The following PARD3 variants were observed in gnomAD, a reference collection of about 807,000 sequenced individuals.
PARD3 encodes the protein par-3 family cell polarity regulator, also known as partitioning defective 3 homolog.
Under a neutral mutation model 155.4 loss-of-function variants are expected in PARD3, and 75 were observed. The observed-to-expected ratio is 0.48, with a 90% CI of 0.40 to 0.58. The LOEUF (loss-of-function observed/expected upper bound fraction) is 0.58. Among genes scored for constraint, PARD3 ranks in the 20% least tolerant of loss-of-function variants. The probability of loss-of-function intolerance (pLI) is 0.00; values close to 1 mark genes in which losing one functional copy is unlikely to be tolerated. For missense variants in PARD3, 1,642 were observed against 1,721.7 expected, an observed-to-expected ratio of 0.95 and a Z score of 0.82; for synonymous variants, 576 against 610.5, an observed-to-expected ratio of 0.94 and a Z score of 0.83.
At chr10:34,457,975 T>A (rs1275472736) in intron 4 of PARD3, among the ~76,000 whole-genome samples, 2 of 152,136 alleles carry the variant, frequency 1.3e-5, no homozygotes, top group African/African-American at 2.4e-5. Context: ...AGGTGGCTAA[T>A]GACAAAAATT....
At chr10:34,581,143 T>C (rs1201109999) in intron 2 of PARD3, among the ~76,000 whole-genome samples, 1 of 152,118 alleles carries the variant, frequency 6.6e-6, no homozygotes, top group African/African-American at 2.4e-5. Flanking sequence ...ACTGTTTAAA[T>C]ACAGCATCTT....
chr10:34,641,799 AGGT>A (rs572391111), intron 2 of PARD3, among the ~76,000 whole-genome samples: 62 of 152,278 alleles, frequency 4.1e-4, no homozygotes, highest in African/African-American at 1.5e-3. Context: ...ACAGCTCAGT[AGGT>A]GGTGGCTGAC....
At chr10:34,138,582 C>G (rs1264677063) in intron 22 of PARD3, among the ~76,000 whole-genome samples, 1 of 152,140 alleles carries the variant, frequency 6.6e-6, no homozygotes, top group African/African-American at 2.4e-5. Context: ...GGATCTGGGT[C>G]AAACACACAA....
At chr10:34,167,669 T>C (rs967273420) in intron 22 of PARD3, among the ~76,000 whole-genome samples, 5 of 152,194 alleles carry the variant, frequency 3.3e-5, no homozygotes, top group African/African-American at 9.6e-5. Flanking sequence ...CCGAATAAAA[T>C]AGAAAAACGT....
chr10:34,284,025 A>C (rs1467252189), intron 21 of PARD3, 110 bp downstream of exon 21: 1 of 685,356 alleles, frequency 1.5e-6, no homozygotes, highest in Non-Finnish European at 2.5e-6. Context: ...GATACAGGAA[A>C]TATGAAGAGT....
intron 22 of PARD3, among the ~76,000 whole-genome samples, chr10:34,240,922 C>T (rs988815945): frequency 1.2e-4 from 19 of 152,178 alleles, no homozygotes; most frequent in African/African-American, 4.6e-4. Flanking sequence ...CCACACCCTG[C>T]ACACACACAT....
intron 2 of PARD3, 121 bp from the exon 3 acceptor site, chr10:34,517,280 G>T (rs977377770): frequency 3.6e-6 from 3 of 838,404 alleles, no homozygotes; most frequent in Non-Finnish European, 5.2e-6. Context: ...CCCTAGAATG[G>T]TAAGTTTTAC....
intron 2 of PARD3, among the ~76,000 whole-genome samples, chr10:34,589,327 C>T (rs926068828): frequency 9.2e-5 from 14 of 152,144 alleles, no homozygotes; most frequent in Non-Finnish European, 1.8e-4. Flanking sequence ...CGTTGAAGTC[C>T]TAACACCCAG....
intron 3 of PARD3, among the ~76,000 whole-genome samples, chr10:34,515,520 T>A (rs186035614): frequency 6.6e-6 from 1 of 152,314 alleles, no homozygotes; most frequent in East Asian, 1.9e-4. Flanking sequence ...CTCTAGAGCA[T>A]CACTTACGTA....
intron 24 of PARD3, among the ~76,000 whole-genome samples, chr10:34,115,855 C>G (rs1007851441): frequency 1.7e-4 from 26 of 151,838 alleles, no homozygotes; most frequent in Admixed American, 1.6e-3. Flanking sequence ...TGGGACTACA[C>G]GCGCCCACCA....
At chr10:34,801,467 T>C (rs1387753227) in intron 1 of PARD3, among the ~76,000 whole-genome samples, 1 of 151,982 alleles carries the variant, frequency 6.6e-6, no homozygotes, top group East Asian at 1.9e-4. Context: ...TGAGAGGAGG[T>C]AGTCCTCTTG....
intron 23 of PARD3, among the ~76,000 whole-genome samples, chr10:34,121,542 G>A (rs148869213): frequency 6.4e-4 from 97 of 152,312 alleles, no homozygotes; most frequent in African/African-American, 2.2e-3. Context: ...TTCATTTGGC[G>A]AGCTGTAAGA....
At chr10:34,774,663 C>G (rs192987701) in intron 1 of PARD3, among the ~76,000 whole-genome samples, 1 of 152,206 alleles carries the variant, frequency 6.6e-6, no homozygotes, top group East Asian at 1.9e-4. Context: ...AAAACAAAAG[C>G]AGCAATTGAA....
At chr10:34,200,800 G>T (rs959340322) in intron 22 of PARD3, among the ~76,000 whole-genome samples, 1 of 152,206 alleles carries the variant, frequency 6.6e-6, no homozygotes, top group Non-Finnish European at 1.5e-5. Context: ...ACATGCAGAC[G>T]CCAGGGCTAT....
intron 2 of PARD3, among the ~76,000 whole-genome samples, chr10:34,526,737 A>G (rs1199782333): frequency 6.6e-6 from 1 of 152,200 alleles, no homozygotes; most frequent in Non-Finnish European, 1.5e-5. Flanking sequence ...GAATGTTTAG[A>G]TGCAGGGAAA....
chr10:34,331,212 A>C lies in PARD3; in HGVS notation c.2738T>G (p.Ile913Ser). The C allele has an allele frequency of 6.2e-7, 1 of 1,614,010 alleles. No homozygotes were observed. Among genetic ancestry groups the C allele is most frequent in the Non-Finnish European group, 8.5e-7 (1 of 1,179,986 alleles). ...GCTCTCATTGCATCCCCTGCCTCTG[A>C]TTATCCGCGGCCGTGGACGATGGAA... is the stretch of plus-strand genomic sequence containing the variant. ...IPFHRPRPRI[I>S]RGRGCNESFR... Residue 913 changes from isoleucine to serine, a missense_variant, in exon 19 of 25, where the codon ATC (isoleucine) becomes AGC (serine). By Grantham distance (142) the Ile-to-Ser change is moderately radical. Transcript: ENST00000374788.
chr10:34,462,856 C>T (rs886268464), intron 4 of PARD3, among the ~76,000 whole-genome samples: 3 of 132,506 alleles, frequency 2.3e-5, no homozygotes, highest in Admixed American at 8.8e-5. Context: ...AAAAGGAAAA[C>T]GGAAAGGGAA....
chr10:34,281,402 C>A (rs1321337445), intron 21 of PARD3, among the ~76,000 whole-genome samples: 1 of 152,106 alleles, frequency 6.6e-6, no homozygotes, highest in Non-Finnish European at 1.5e-5. Flanking sequence ...TTAACTTCCC[C>A]CTTGGTATCA....
chr10:34,694,494 T>A (rs1271583307), intron 2 of PARD3, among the ~76,000 whole-genome samples: 1 of 97,698 alleles, frequency 1.0e-5, no homozygotes, highest in Non-Finnish European at 2.2e-5. Context: ...TTTTTTTTTT[T>A]AAGACTAGCT....
Sources: allele counts gnomAD v4.1 joint callset (sites outside exome capture counted in the v4.1 genomes callset), GRCh38; gene constraint gnomAD v4.1.1; transcripts MANE v1.5; gene names NCBI Gene and HGNC (gene_info 2026-07-23, HGNC 2026-07-21).